The following MNS1 variants were observed in gnomAD, a reference collection of about 807,000 sequenced individuals.
MNS1 encodes meiosis-specific nuclear structural protein 1.
A neutral mutation model predicts 72.0 loss-of-function variants in MNS1; 63 were observed. The observed-to-expected ratio is 0.87, with a 90% confidence interval of 0.71 to 1.08. The LOEUF is 1.08. Ranked by LOEUF, MNS1 falls within the 50% of genes least tolerant of loss-of-function variation. The pLI is 0.00. For synonymous variants in MNS1, 188 were observed against 172.1 expected (o/e 1.09, Z -0.72); for missense variants, 604 against 562.4 (o/e 1.07, Z -0.75).
At chr15:56,462,587 GGCTTAGTTTA>G (rs2051030425) in intron 2 of MNS1, among the ~76,000 whole-genome samples, 5 of 152,146 alleles carry the variant, frequency 3.3e-5, no homozygotes, top group Admixed American at 6.5e-5. Context: ...TAAAACAACT[GGCTTAGTTTA>G]GCAAGCTAAA....
rs1264415857 is a variant in MNS1 at position 56,440,346 on chromosome 15, G to A, written c.1011+3084C>T. ...GCTGGTGAGAATGCAGACAGACTGC[G>A]TAACTCATATATTTCTGATGGGAAT... is the stretch of plus-strand genomic sequence containing the variant. On this transcript the variant is annotated intron_variant, in intron 7 of 9. Transcript: ENST00000260453. 2.0e-5 allele frequency among the ~76,000 whole-genome samples: 3 copies of A among 152,188 alleles called. No individual in the cohort carries two copies. The East Asian group carries it at 5.8e-4, about 29-fold the overall frequency.
chr15:56,446,478 G>C (rs2050904320), intron 4 of MNS1, among the ~76,000 whole-genome samples: 1 of 151,906 alleles, frequency 6.6e-6, no homozygotes, highest in Non-Finnish European at 1.5e-5. Context: ...AAATTATCAA[G>C]TAGTTTACTC....
chr15:56,454,508 A>C (rs1567153670), intron 3 of MNS1, among the ~76,000 whole-genome samples: 1 of 152,064 alleles, frequency 6.6e-6, no homozygotes, highest in Non-Finnish European at 1.5e-5. Context: ...TACTGTTTCT[A>C]TTCAGGATTA....
At chr15:56,430,434 G>A (rs1213793094) in intron 9 of MNS1, among the ~76,000 whole-genome samples, 1 of 152,086 alleles carries the variant, frequency 6.6e-6, no homozygotes, top group Non-Finnish European at 1.5e-5. Context: ...TTGAACTCCT[G>A]GGCTCAGGTG....
chr15:56,464,823 A>T, intron 1 of MNS1, 147 bp downstream of exon 1: 1 of 1,126,450 alleles, frequency 8.9e-7, no homozygotes, highest in Non-Finnish European at 1.3e-6. Flanking sequence ...CCCTTCTAAT[A>T]GCACCTGAAG....
chr15:56,438,331 T>G (rs1463110281), intron 7 of MNS1, among the ~76,000 whole-genome samples: 1 of 151,604 alleles, frequency 6.6e-6, no homozygotes, highest in Admixed American at 6.6e-5. Flanking sequence ...AACCATCTGC[T>G]CTTTTTTTTT....
chr15:56,447,047 T>C (rs2050910632), intron 3 of MNS1, 104 bp from the exon 4 acceptor site: 1 of 730,128 alleles, frequency 1.4e-6, no homozygotes, highest in Non-Finnish European at 2.3e-6. Flanking sequence ...AAAGAGGGAA[T>C]ACAGCGGGTA....
rs1567150665 is a variant in MNS1, at chr15:56,442,747, T to C, written c.1011+683A>G. The stretch of plus-strand genomic sequence containing the variant: ...ACTGGGGCCTACTTGAGGGTAGACA[T>C]AGGAGGAGGGTGAGGATCAATAAAC... On this transcript the variant is annotated intron_variant, in intron 7 of 9. Coordinates refer to ENST00000260453, the MANE Select transcript of MNS1 (RefSeq NM_018365.4). 5.3e-5 allele frequency among the ~76,000 whole-genome samples: 8 copies of C among 152,182 alleles called. 1 individual carries two copies. The South Asian group carries it at 1.0e-3, about 20-fold the overall frequency.
chr15:56,439,350 A>G (rs1432141204), intron 7 of MNS1, among the ~76,000 whole-genome samples: 8 of 152,218 alleles, frequency 5.3e-5, no homozygotes. Flanking sequence ...TGATATTCAA[A>G]TTTAATTCAA....
At chr15:56,449,963 G>T (rs1395025709) in intron 3 of MNS1, among the ~76,000 whole-genome samples, 1 of 152,086 alleles carries the variant, frequency 6.6e-6, no homozygotes, top group African/African-American at 2.4e-5. Context: ...CTACCAAGGG[G>T]TCGTCAATTT....
intron 8 of MNS1, 31 bp downstream of exon 8, chr15:56,434,107 T>C: frequency 6.3e-7 from 1 of 1,597,044 alleles, no homozygotes; most frequent in Non-Finnish European, 8.5e-7. Context: ...TTAATGATAA[T>C]GACCAAAAAA....
At chr15:56,437,415 G>A (rs2050745503) in intron 7 of MNS1, among the ~76,000 whole-genome samples, 1 of 152,026 alleles carries the variant, frequency 6.6e-6, no homozygotes, top group Non-Finnish European at 1.5e-5. Flanking sequence ...AAATTCAACA[G>A]CCCTTCTTGC....
intron 4 of MNS1, among the ~76,000 whole-genome samples, 153 bp downstream of exon 4, chr15:56,446,688 G>A (rs996209319): frequency 6.6e-6 from 1 of 151,834 alleles, no homozygotes; most frequent in Non-Finnish European, 1.5e-5. Flanking sequence ...AATCACGCAG[G>A]ATTTTCTACA....
chr15:56,464,478 C>T (rs1390450555), intron 1 of MNS1, among the ~76,000 whole-genome samples: 1 of 151,986 alleles, frequency 6.6e-6, no homozygotes, highest in East Asian at 1.9e-4. Context: ...AGTAACTTTA[C>T]CCAAGGTTCT....
Position 56,429,035 on chromosome 15 carries a change from CAA to C in MNS1, c.*64_*65del. The stretch of plus-strand genomic sequence containing the variant: ...TACCTAATGCCACTGAACTGTAAAA[CAA>C]AAGTTATGCTGACATCTAGTGGTAA... On this transcript the variant is annotated 3_prime_UTR_variant, in exon 10 of 10. Coordinates refer to ENST00000260453, the MANE Select transcript of MNS1 (RefSeq NM_018365.4). The C allele has an allele frequency of 9.5e-7, 1 of 1,049,200 alleles. No individual in the cohort carries two copies. Among genetic ancestry groups the C allele is most frequent in the Non-Finnish European group, 1.4e-6 (1 of 725,028 alleles). 65.0% of individuals were successfully genotyped at this position (1,049,200 alleles called of 1,614,324 possible). A position where few individuals can be genotyped will look rare whatever the true frequency, so the allele number is the denominator to read the frequency against.
intron 4 of MNS1, among the ~76,000 whole-genome samples, chr15:56,444,922 A>G (rs2050881608): frequency 6.6e-6 from 1 of 152,044 alleles, no homozygotes; most frequent in Non-Finnish European, 1.5e-5. Context: ...GATTATTAAT[A>G]ACTCCACATT....
chr15:56,431,695 C>T (rs958419277), intron 8 of MNS1, among the ~76,000 whole-genome samples, 197 bp from the exon 9 acceptor site: 3 of 151,686 alleles, frequency 2.0e-5, no homozygotes, highest in Non-Finnish European at 2.9e-5. Flanking sequence ...TTTTTACTGT[C>T]ATTATTCCTT....
chr15:56,451,652 G>C (rs993798602), intron 3 of MNS1, among the ~76,000 whole-genome samples: 1 of 152,110 alleles, frequency 6.6e-6, no homozygotes, highest in Admixed American at 6.5e-5. Flanking sequence ...ATTATAGACA[G>C]TCTCTGATTA....
Position 56,443,542 on chromosome 15 carries a change from T to G in MNS1, c.904-5A>C. The G allele has an allele frequency of 6.3e-7, 1 of 1,578,118 alleles. No individual in the cohort carries two copies. The highest frequency in any genetic ancestry group is 8.6e-7 in the Non-Finnish European group (1 of 1,168,164). On this transcript the variant is annotated splice_polypyrimidine_tract_variant and splice_region_variant and intron_variant, in intron 6 of 9. Coordinates refer to ENST00000260453, the MANE Select transcript of MNS1 (RefSeq NM_018365.4). ...TTCTTCTAATTTCTGTGTCAACTAT[T>G]AAATTTTTTAAAAAACATAAATATT... is the stretch of plus-strand genomic sequence containing the variant.
Sources: allele counts gnomAD v4.1 joint callset (sites outside exome capture counted in the v4.1 genomes callset), GRCh38; gene constraint gnomAD v4.1.1; transcripts MANE v1.5; gene names NCBI Gene and HGNC (gene_info 2026-07-23, HGNC 2026-07-21).